CCDC127: variants seen among roughly 807,000 people sequenced by gnomAD.
The protein encoded by CCDC127 is coiled-coil domain containing 127, also known as coiled-coil domain-containing protein 127.
Under a neutral mutation model 4.1 loss-of-function variants are expected in CCDC127, and 2 were observed. That is an observed-to-expected ratio of 0.49 (90% confidence interval 0.20 to 1.53). The LOEUF (loss-of-function observed/expected upper bound fraction) is 1.53. CCDC127 is among the 40% of genes most tolerant of loss of function. CCDC127 has a pLI of 0.23. For synonymous variants in CCDC127, 98 were observed against 120.4 expected, an observed-to-expected ratio of 0.81 and a Z score of 1.22; for missense variants, 271 against 322.9, an observed-to-expected ratio of 0.84 and a Z score of 1.23.
In CCDC127 at chr5:206,033, A is replaced by C. The variant is rs1734164938; in HGVS notation, c.122-75T>G. 6.1e-6 allele frequency: 8 copies of C among 1,312,928 alleles called. No homozygotes were observed. The South Asian group carries it at 1.1e-4, about 19-fold the overall frequency. The allele number at this position is 1,312,928 out of a possible 1,614,324, so 81.3% of individuals were successfully genotyped here. On this transcript the variant is annotated intron_variant, in intron 2 of 2. Transcript: ENST00000296824. ...TTCTATAATCCTCACTTAAATCATA[A>C]GGCAGCTAAGGATAGTGTTTCAGTA...
intron 2 of CCDC127, 130 bp from the exon 3 acceptor site, chr5:206,088 G>A (rs948281571): frequency 1.2e-6 from 1 of 815,016 alleles, no homozygotes; most frequent in African/African-American, 1.7e-5. Flanking sequence ...GTACCAAGAA[G>A]ATCACTTCTA....
Position 207,279 on chromosome 5 carries a change from A to G in CCDC127, c.122-1321T>C, listed in dbSNP as rs539498794. On this transcript the variant is annotated intron_variant, in intron 2 of 2. Transcript: ENST00000296824. ...CCAAACTCATCCTTCCTCAACCAAA[A>G]ATAGCTGCTAGTCCTACTTCAGATG... Among the ~76,000 whole-genome samples the G allele has an allele frequency of 2.6e-5, 4 of 152,206 alleles. No homozygotes were observed. The South Asian group carries it at 8.3e-4, about 32-fold the overall frequency.
chr5:215,219 T>C (rs545775807), intron 2 of CCDC127: 1 of 152,156 alleles, frequency 6.6e-6, no homozygotes, highest in Non-Finnish European at 1.5e-5. Context: ...TGGAGAATCC[T>C]TACAAGAACA....
At chr5:206,316 A>G (rs1734172068) in intron 2 of CCDC127, among the ~76,000 whole-genome samples, 1 of 146,818 alleles carries the variant, frequency 6.8e-6, no homozygotes, top group South Asian at 2.1e-4. Context: ...AGTTGTATTT[A>G]GCTTTGCCCG....
At chr5:207,615 T>C (rs1734200641) in intron 2 of CCDC127, among the ~76,000 whole-genome samples, 1 of 152,104 alleles carries the variant, frequency 6.6e-6, no homozygotes, top group African/African-American at 2.4e-5. Flanking sequence ...CGGATGTGCC[T>C]GGGGACGGGG....
intron 2 of CCDC127, chr5:214,112 T>C (rs539679719): frequency 1.3e-5 from 2 of 152,330 alleles, no homozygotes; most frequent in African/African-American, 4.8e-5. Context: ...TTTGATTCCA[T>C]TTACATAACA....
intron 2 of CCDC127, among the ~76,000 whole-genome samples, chr5:206,212 T>C (rs1162532509): frequency 1.4e-5 from 1 of 73,910 alleles, no homozygotes; most frequent in African/African-American, 1.1e-4. Context: ...GCTAAGAAGA[T>C]CTACCACCAT....
chr5:214,046 T>C (rs985480447), intron 2 of CCDC127: 7 of 152,264 alleles, frequency 4.6e-5, no homozygotes, highest in African/African-American at 1.7e-4. Context: ...ACAATCTGCA[T>C]GGACCTCAGG....
chr5:196,971 T>G lies in CCDC127; in HGVS notation c.*8326A>C, dbSNP rs894105335. Reference sequence around the variant, plus strand: ...CCTCAGTTTTTATTATTATTTTCATTATTTCAGCAAAAAGGAATGTAGTAG... The same window carrying G: ...CCTCAGTTTTTATTATTATTTTCATGATTTCAGCAAAAAGGAATGTAGTAG... On this transcript the variant is annotated 3_prime_UTR_variant, in exon 3 of 3. Coordinates refer to ENST00000296824, the MANE Select transcript of CCDC127 (RefSeq NM_145265.3). The G allele has an allele frequency of 6.0e-5, 9 of 150,904 alleles. No homozygotes were observed. Among genetic ancestry groups the G allele is most frequent in the African/African-American group, 2.2e-4 (9 of 41,014 alleles). 9.3% of individuals were successfully genotyped at this position (150,904 alleles called of 1,614,324 possible).
In CCDC127 at chr5:205,160, G is replaced by T; in HGVS notation, c.*137C>A. The T allele has an allele frequency of 1.4e-6, 1 of 733,542 alleles. No individual in the cohort carries two copies. The highest frequency in any genetic ancestry group is 2.6e-5 in the East Asian group (1 of 38,802). 45.4% of individuals were successfully genotyped at this position (733,542 alleles called of 1,614,324 possible). On this transcript the variant is annotated 3_prime_UTR_variant, in exon 3 of 3. Transcript: ENST00000296824. The stretch of plus-strand genomic sequence containing the variant: ...GGTGCACTTCTGCTCAGACGGTGGC[G>T]GGAGTGGAGGTCGCTGCTGAAGGGT...
At chr5:207,277 A>C (rs569229717) in intron 2 of CCDC127, among the ~76,000 whole-genome samples, 3 of 152,262 alleles carry the variant, frequency 2.0e-5, no homozygotes, top group Admixed American at 6.5e-5. Context: ...TCCTCAACCA[A>C]AAATAGCTGC....
Position 205,863 on chromosome 5 carries a change from T to C in CCDC127, c.217A>G (p.Lys73Glu). 1.2e-6 allele frequency: 2 copies of C among 1,614,236 alleles called. No individual in the cohort carries two copies. Among genetic ancestry groups the C allele is most frequent in the East Asian group, 2.2e-5 (1 of 44,890 alleles). Reference sequence around the variant, plus strand: ...TTTTCTGAGATCATGGCGTGGTACTTGGCTTCCAGATCCTGTTGAAAAGCA... The same window carrying C: ...TTTTCTGAGATCATGGCGTGGTACTCGGCTTCCAGATCCTGTTGAAAAGCA... ...TAAFQQDLEA[K>E]YHAMISENRR... is the part of the protein sequence containing the mutation. Residue 73 changes from lysine to glutamate, a missense_variant, in exon 3 of 3, where the codon AAG becomes GAG. Coordinates refer to ENST00000296824, the MANE Select transcript of CCDC127 (RefSeq NM_145265.3).
intron 2 of CCDC127, 126 bp from the exon 3 acceptor site, chr5:206,084 A>T (rs564809109): frequency 2.4e-6 from 2 of 828,164 alleles, no homozygotes; most frequent in East Asian, 5.3e-5. Flanking sequence ...GGCTGTACCA[A>T]GAAGATCACT....
chr5:217,036 C>A (rs1330315508), intron 1 of CCDC127, 177 bp from the exon 2 acceptor site: 10 of 548,498 alleles, frequency 1.8e-5, no homozygotes, highest in Non-Finnish European at 3.1e-5. Context: ...GAGGCTGAGG[C>A]AGGAGAATCG....
rs1264376522 is a variant in CCDC127, at chr5:197,584, A to AT, written c.*7712_*7713insA. On this transcript the variant is annotated 3_prime_UTR_variant, in exon 3 of 3. Transcript: ENST00000296824. ...AACAAGGCACGTCCTGCACAGCCCT[A>AT]GATCCCTTAAACCTTGATTTCATAC... 1 of 152,388 alleles carries AT rather than the reference A, an allele frequency of 6.6e-6. No homozygotes were observed. Among genetic ancestry groups the AT allele is most frequent in the Non-Finnish European group, 1.5e-5 (1 of 68,184 alleles). The allele number at this position is 152,388 out of a possible 1,614,324, so 9.4% of individuals were successfully genotyped here.
chr5:213,880 A>T (rs1393844837), intron 2 of CCDC127: 1 of 152,242 alleles, frequency 6.6e-6, no homozygotes, highest in Non-Finnish European at 1.5e-5. Context: ...ACATCGACAC[A>T]AAAACCTACA....
intron 2 of CCDC127, among the ~76,000 whole-genome samples, chr5:208,692 G>A (rs1201482076): frequency 6.6e-6 from 1 of 152,260 alleles, no homozygotes; most frequent in Non-Finnish European, 1.5e-5. Flanking sequence ...GGGGCCAGAG[G>A]CTGAGTGGGG....
rs1345918007 is a variant in CCDC127 at position 204,557 on chromosome 5, T to C, written c.*740A>G. On this transcript the variant is annotated 3_prime_UTR_variant, in exon 3 of 3. Coordinates refer to ENST00000296824, the MANE Select transcript of CCDC127 (RefSeq NM_145265.3). ...TGGCAAGTATTTTGAGTATATATCA[T>C]TGCTAATAAGTATCTGCTTGCTGAA... The C allele has an allele frequency of 1.3e-5, 2 of 152,246 alleles. No homozygotes were observed. Among genetic ancestry groups the C allele is most frequent in the African/African-American group, 4.8e-5 (2 of 41,452 alleles). 9.4% of individuals were successfully genotyped at this position (152,246 alleles called of 1,614,324 possible). A position where few individuals can be genotyped will look rare whatever the true frequency, so the allele number is the denominator to read the frequency against.
In CCDC127 at chr5:205,572, GTCTT is replaced by G; in HGVS notation, c.504_507del (p.Glu168AspfsTer18). ...AGAAACAGACTGCAGTAGATATTCT[GTCTT>G]TCTGTGAGAACAGCTTCAAATTCTT... is the stretch of plus-strand genomic sequence containing the variant. On this transcript the variant is annotated frameshift_variant, in exon 3 of 3. Transcript: ENST00000296824. LOFTEE classifies it low-confidence loss of function (END_TRUNC). 6.2e-7 allele frequency: 1 copy of G among 1,614,226 alleles called. No individual in the cohort carries two copies. Among genetic ancestry groups the G allele is most frequent in the Non-Finnish European group, 8.5e-7 (1 of 1,180,046 alleles).
Sources: allele counts gnomAD v4.1 joint callset (sites outside exome capture counted in the v4.1 genomes callset), GRCh38; gene constraint gnomAD v4.1.1; transcripts MANE v1.5; gene names NCBI Gene and HGNC (gene_info 2026-07-23, HGNC 2026-07-21).